The following DAB2IP variants were observed in gnomAD, a reference collection of about 807,000 sequenced individuals.
DAB2IP encodes the protein DAB2 interacting protein.
In DAB2IP, 28 loss-of-function variants were observed where a neutral mutation model predicts 107.2. That is an observed-to-expected ratio of 0.26 (90% confidence interval 0.19 to 0.36). The LOEUF is 0.36. Among genes scored for constraint, DAB2IP ranks in the 10% least tolerant of loss-of-function variants. The probability of loss-of-function intolerance (pLI) is 1.00; values close to 1 mark genes in which losing one functional copy is unlikely to be tolerated. For missense variants in DAB2IP, 1,400 were observed against 1,644.7 expected (o/e 0.85, Z 2.57); for synonymous variants, 755 against 706.4 (o/e 1.07, Z -1.09).
intron 2 of DAB2IP, among the ~76,000 whole-genome samples, chr9:121,683,400 C>G (rs1040448864): frequency 6.6e-6 from 1 of 152,184 alleles, no homozygotes; most frequent in Non-Finnish European, 1.5e-5. Flanking sequence ...CCCCCACCCC[C>G]CTCCCATCAA....
chr9:121,739,269 A>C (rs1028911645), intron 3 of DAB2IP, among the ~76,000 whole-genome samples: 1 of 152,354 alleles, frequency 6.6e-6, no homozygotes, highest in Admixed American at 6.5e-5. Context: ...GCAAGTACAA[A>C]GTCCTTGAGC....
At chr9:121,672,656 CT>C (rs1564147554) in intron 1 of DAB2IP, among the ~76,000 whole-genome samples, 1 of 152,142 alleles carries the variant, frequency 6.6e-6, no homozygotes, top group African/African-American at 2.4e-5. Context: ...ATTTTGCAGA[CT>C]AGGTGACCGA....
intron 3 of DAB2IP, among the ~76,000 whole-genome samples, chr9:121,735,960 T>C (rs1473466276): frequency 6.6e-6 from 1 of 152,238 alleles, no homozygotes; most frequent in Non-Finnish European, 1.5e-5. Context: ...CTCACCAGCC[T>C]GTCTCCTCCT....
At chr9:121,714,837 C>A (rs1830509515) in intron 3 of DAB2IP, among the ~76,000 whole-genome samples, 1 of 152,188 alleles carries the variant, frequency 6.6e-6, no homozygotes, top group African/African-American at 2.4e-5. Flanking sequence ...TCCCCGATGA[C>A]AAAAGGAGTA....
intron 3 of DAB2IP, among the ~76,000 whole-genome samples, chr9:121,722,443 T>C (rs1392146195): frequency 6.6e-6 from 1 of 152,156 alleles, no homozygotes; most frequent in African/African-American, 2.4e-5. Context: ...TCTCCCCGTC[T>C]GCCACTCCCC....
At chr9:121,665,134 C>T (rs140046715) in intron 1 of DAB2IP, among the ~76,000 whole-genome samples, 2 of 152,242 alleles carry the variant, frequency 1.3e-5, no homozygotes, top group African/African-American at 4.8e-5. Flanking sequence ...AAACCTTATG[C>T]CTGTTTATAT....
At chr9:121,784,129 A>G (rs957321522) in exon 16 of DAB2IP, 1 of 160,240 alleles carries the variant, frequency 6.2e-6, no homozygotes, top group Non-Finnish European at 1.4e-5. Flanking sequence ...GTAACCTACA[A>G]TTCAGTTAGG....
chr9:121,572,271 C>T (rs909162510), intron 1 of DAB2IP, among the ~76,000 whole-genome samples: 1 of 152,140 alleles, frequency 6.6e-6, no homozygotes, highest in African/African-American at 2.4e-5. Context: ...TGTCTGCTCA[C>T]CAGCCTGACT....
upstream of DAB2IP, among the ~76,000 whole-genome samples, chr9:121,648,279 A>G (rs1832610065): frequency 6.6e-6 from 1 of 152,180 alleles, no homozygotes; most frequent in Admixed American, 6.5e-5. Flanking sequence ...TAAAAAATAA[A>G]AAACTGAGGG....
chr9:121,716,796 C>T (rs61428776), intron 3 of DAB2IP, among the ~76,000 whole-genome samples: 1 of 152,164 alleles, frequency 6.6e-6, no homozygotes, highest in Admixed American at 6.5e-5. Flanking sequence ...GGAGCCATTG[C>T]ACCAAGGTAG....
intron 1 of DAB2IP, among the ~76,000 whole-genome samples, chr9:121,666,867 AACACAC>A (rs59290421): frequency 0.017 from 2,178 of 128,654 alleles, 32 homozygotes; most frequent in East Asian, 0.049. Flanking sequence ...CCCCAGCCCC[AACACAC>A]ACACACACAC....
rs1375746771 is a variant in DAB2IP at position 121,599,353 on chromosome 9, C to G, written c.40+32125C>G. On this transcript the variant is annotated intron_variant, in intron 1 of 16. Transcript: ENST00000259371. The surrounding 1 kb of genome is among the most constrained non-coding windows in gnomAD (Gnocchi z 6.9). ...AGCGTGTGCTCGGAGCGGAGGGCCT[C>G]GGCTCTGCCCAGTCCGGCCTGGGCG... 2.0e-5 allele frequency among the ~76,000 whole-genome samples: 3 copies of G among 152,258 alleles called. No individual in the cohort carries two copies. The highest frequency in any genetic ancestry group is 6.5e-5 in the Admixed American group (1 of 15,306).
rs1833230570 is a variant in DAB2IP at position 121,662,019 on chromosome 9, A to C, written c.124+10120A>C. On this transcript the variant is annotated intron_variant, in intron 1 of 15. Coordinates refer to ENST00000408936, the Ensembl canonical transcript of DAB2IP. The surrounding 1 kb of genome is among the most constrained non-coding windows in gnomAD (Gnocchi z 4.6). ...AAAAAAACCCAACTCCTAAGATTAC[A>C]AAAAGCAGTAAATATCTATTACAGA... Among the ~76,000 whole-genome samples, 1 of 152,128 alleles carries C rather than the reference A, an allele frequency of 6.6e-6. No homozygotes were observed. Among genetic ancestry groups the C allele is most frequent in the African/African-American group, 2.4e-5 (1 of 41,448 alleles).
rs1185389969 is a variant in DAB2IP, at chr9:121,633,199, G to A, written c.41-45479G>A. On this transcript the variant is annotated intron_variant, in intron 1 of 16. Coordinates refer to the DAB2IP transcript ENST00000259371. The surrounding 1 kb of genome is among the most constrained non-coding windows in gnomAD (Gnocchi z 5.1). ...GCACGCTGGGAATAGAGACCTCATC[G>A]GGAAGGTTTGACATGAACAATACAA... is the stretch of plus-strand genomic sequence containing the variant. 6.6e-6 allele frequency among the ~76,000 whole-genome samples: 1 copy of A among 152,152 alleles called. No individual in the cohort carries two copies. Among genetic ancestry groups the A allele is most frequent in the African/African-American group, 2.4e-5 (1 of 41,424 alleles).
chr9:121,733,298 G>GTCTC (rs1486954659), intron 3 of DAB2IP, among the ~76,000 whole-genome samples: 1 of 152,230 alleles, frequency 6.6e-6, no homozygotes, highest in African/African-American at 2.4e-5. Context: ...AAGAAGAGAT[G>GTCTC]TCTCCTCTCC....
chr9:121,759,013 C>G lies in DAB2IP; in HGVS notation c.615+17C>G, dbSNP rs1466707776. ...CCCAACAAGGTAAGCCTGCGCCCCT[C>G]TCACCAAAGCATGGGGGATTGAAGG... is the stretch of plus-strand genomic sequence containing the variant. On this transcript the variant is annotated intron_variant, in intron 5 of 15. Transcript: ENST00000408936. 1.9e-6 allele frequency: 3 copies of G among 1,601,630 alleles called. No individual in the cohort carries two copies. The highest frequency in any genetic ancestry group is 4.5e-5 in the East Asian group (2 of 44,640).
chr9:121,772,874 G>A lies in DAB2IP; in HGVS notation c.2346G>A (p.Val782=), dbSNP rs757602063. 15 of 1,582,898 alleles carry A rather than the reference G, an allele frequency of 9.5e-6. No individual in the cohort carries two copies. The highest frequency in any genetic ancestry group is 6.8e-5 in the South Asian group (6 of 87,870). Residue 782 remains valine, a synonymous_variant, in exon 12 of 16, where the codon GTG becomes GTA. Transcript: ENST00000408936. The surrounding 1 kb of genome is among the most constrained non-coding windows in gnomAD (Gnocchi z 4.7). ...GGCAGGCCGCTGCAGCTCAGCTGGTGGCCGGGTGGCCGGCCCGGGCAACCC... is the reference window on the plus strand; with the variant it reads ...GGCAGGCCGCTGCAGCTCAGCTGGTAGCCGGGTGGCCGGCCCGGGCAACCC...
intron 3 of DAB2IP, among the ~76,000 whole-genome samples, chr9:121,711,852 G>A (rs1188568067): frequency 6.6e-6 from 1 of 152,088 alleles, no homozygotes; most frequent in Non-Finnish European, 1.5e-5. Context: ...AGGGTGTAGG[G>A]GTTTATTCCC....
chr9:121,749,931 G>A (rs1003164414), intron 3 of DAB2IP, among the ~76,000 whole-genome samples: 1 of 152,204 alleles, frequency 6.6e-6, no homozygotes, highest in African/African-American at 2.4e-5. Context: ...ATAGCAGCGT[G>A]TGCATCGTTC....
Sources: allele counts gnomAD v4.1 joint callset (sites outside exome capture counted in the v4.1 genomes callset), GRCh38; gene constraint gnomAD v4.1.1; non-coding constraint Gnocchi (gnomAD v3.1); transcripts MANE v1.5; gene names NCBI Gene and HGNC (gene_info 2026-07-23, HGNC 2026-07-21).